NKAIN3: variants seen among roughly 807,000 people sequenced by gnomAD.
The protein encoded by NKAIN3 is sodium/potassium transporting ATPase interacting 3, also known as sodium/potassium-transporting ATPase subunit beta-1-interacting protein 3.
A neutral mutation model predicts 30.2 loss-of-function variants in NKAIN3; 25 were observed. The observed-to-expected ratio is 0.83, with a 90% CI of 0.60 to 1.16. The LOEUF is 1.16. Ranked by LOEUF, NKAIN3 falls within the 50% of genes most tolerant of loss-of-function variation. NKAIN3 has a pLI of 0.00. For synonymous variants in NKAIN3, 91 were observed against 89.6 expected, an observed-to-expected ratio of 1.02 and a Z score of -0.09; for missense variants, 225 against 254.1, an observed-to-expected ratio of 0.89 and a Z score of 0.78.
intron 5 of NKAIN3, among the ~76,000 whole-genome samples, chr8:62,940,929 A>T (rs1232426730): frequency 6.6e-6 from 1 of 150,380 alleles, no homozygotes; most frequent in African/African-American, 2.4e-5. Flanking sequence ...AGAACCAAAT[A>T]TATTGAAAAA....
intron 1 of NKAIN3, among the ~76,000 whole-genome samples, chr8:62,314,793 C>T (rs974178912): frequency 6.6e-6 from 1 of 152,236 alleles, no homozygotes; most frequent in African/African-American, 2.4e-5. Flanking sequence ...TACCTTGCAG[C>T]AGATTTTTAA....
chr8:62,796,346 T>C (rs2130683000), intron 4 of NKAIN3, among the ~76,000 whole-genome samples: 1 of 121,398 alleles, frequency 8.2e-6, no homozygotes, highest in African/African-American at 3.3e-5. Context: ...ATCACACCAC[T>C]GAGCTCCAGC....
intron 1 of NKAIN3, among the ~76,000 whole-genome samples, chr8:62,504,194 G>T (rs867881510): frequency 2.8e-4 from 43 of 152,104 alleles, no homozygotes; most frequent in South Asian, 6.2e-4. Context: ...TATTGAATCT[G>T]AGGTGGAACA....
At chr8:62,769,225 A>T (rs1816944122) in intron 4 of NKAIN3, among the ~76,000 whole-genome samples, 1 of 152,226 alleles carries the variant, frequency 6.6e-6, no homozygotes, top group African/African-American at 2.4e-5. Context: ...GTTAAATAAG[A>T]CAAGTTCAAA....
chr8:62,626,113 C>T (rs1461870114), intron 3 of NKAIN3, among the ~76,000 whole-genome samples: 1 of 152,040 alleles, frequency 6.6e-6, no homozygotes, highest in Non-Finnish European at 1.5e-5. Context: ...AATTTCTAAG[C>T]ACTCTCTCCT....
At chr8:62,573,581 A>G (rs1810014133) in intron 1 of NKAIN3, among the ~76,000 whole-genome samples, 1 of 151,556 alleles carries the variant, frequency 6.6e-6, no homozygotes, top group Non-Finnish European at 1.5e-5. Context: ...TTACTTTGTA[A>G]CTTTTTAATA....
intron 1 of NKAIN3, among the ~76,000 whole-genome samples, chr8:62,264,980 G>C (rs1428605543): frequency 1.3e-5 from 2 of 152,132 alleles, no homozygotes; most frequent in African/African-American, 4.8e-5. Context: ...TGAGAAAGGA[G>C]CCATGTGATA....
intron 1 of NKAIN3, among the ~76,000 whole-genome samples, chr8:62,360,850 A>G (rs1238810797): frequency 1.3e-5 from 2 of 152,104 alleles, no homozygotes; most frequent in Non-Finnish European, 2.9e-5. Context: ...CTCTTGTTGA[A>G]TTGAACCCTT....
At chr8:62,828,818 A>G (rs1188794075) in intron 4 of NKAIN3, among the ~76,000 whole-genome samples, 2 of 152,248 alleles carry the variant, frequency 1.3e-5, no homozygotes, top group South Asian at 2.1e-4. Context: ...AGATAATCTC[A>G]TGAAGAAAGA....
At chr8:62,655,080 A>C (rs1812726686) in intron 3 of NKAIN3, among the ~76,000 whole-genome samples, 1 of 152,206 alleles carries the variant, frequency 6.6e-6, no homozygotes, top group African/African-American at 2.4e-5. Context: ...GGTAGAGTTT[A>C]TAAGAGTCTG....
intron 3 of NKAIN3, among the ~76,000 whole-genome samples, chr8:62,690,054 CTT>C (rs1477195302): frequency 6.6e-6 from 1 of 152,168 alleles, no homozygotes; most frequent in Non-Finnish European, 1.5e-5. Context: ...TACTGAGTGT[CTT>C]TAAGTTCGGC....
At chr8:62,468,961 A>G (rs1806244617) in intron 1 of NKAIN3, among the ~76,000 whole-genome samples, 1 of 152,130 alleles carries the variant, frequency 6.6e-6, no homozygotes, top group African/African-American at 2.4e-5. Flanking sequence ...ATTCTTCCCA[A>G]TAATCAAATT....
intron 1 of NKAIN3, among the ~76,000 whole-genome samples, chr8:62,435,793 T>C (rs2129597872): frequency 6.6e-6 from 1 of 152,308 alleles, no homozygotes; most frequent in Non-Finnish European, 1.5e-5. Flanking sequence ...TTTAGTTTGT[T>C]CCCCAAGATG....
chr8:62,428,069 C>A (rs924699722), intron 1 of NKAIN3, among the ~76,000 whole-genome samples: 2 of 151,830 alleles, frequency 1.3e-5, no homozygotes, highest in Admixed American at 6.6e-5. Context: ...TTTTTAGCTT[C>A]TACGTGTGCA....
chr8:62,950,066 G>T (rs1823239403), intron 5 of NKAIN3, among the ~76,000 whole-genome samples: 1 of 152,122 alleles, frequency 6.6e-6, no homozygotes. Flanking sequence ...ATTTAAAAAT[G>T]CAGTTGCTTT....
chr8:62,539,541 A>ATCAAATAACACC (rs761711318), intron 1 of NKAIN3, among the ~76,000 whole-genome samples: 1 of 152,196 alleles, frequency 6.6e-6, no homozygotes, highest in Non-Finnish European at 1.5e-5. Flanking sequence ...ACACAAAGAC[A>ATCAAATAACACC]TCAAATAACA....
chr8:62,555,483 A>C (rs534792135), intron 1 of NKAIN3, among the ~76,000 whole-genome samples: 2 of 152,202 alleles, frequency 1.3e-5, no homozygotes, highest in African/African-American at 2.4e-5. Context: ...AAAAGAATGG[A>C]AGAAAAAAGA....
rs914857388 is a variant in NKAIN3, at chr8:62,522,596, G to A, written c.55-56943G>A. Among the ~76,000 whole-genome samples, 6 of 152,166 alleles carry A rather than the reference G, an allele frequency of 3.9e-5. No homozygotes were observed. The East Asian group carries it at 5.8e-4, about 15-fold the overall frequency. On this transcript the variant is annotated intron_variant, in intron 1 of 6. Transcript: ENST00000623646. ...CCCTGAAGACCTTCCAGTGGGACAG[G>A]ATGTGGAGATGGAAGACAGTGACAC... is the stretch of plus-strand genomic sequence containing the variant.
chr8:62,803,315 T>C (rs1818141253), intron 4 of NKAIN3, among the ~76,000 whole-genome samples: 1 of 152,100 alleles, frequency 6.6e-6, no homozygotes, highest in South Asian at 2.1e-4. Flanking sequence ...ATATACATTT[T>C]TTTCAGCACC....
Sources: allele counts gnomAD v4.1 joint callset (sites outside exome capture counted in the v4.1 genomes callset), GRCh38; gene constraint gnomAD v4.1.1; transcripts MANE v1.5; gene names NCBI Gene and HGNC (gene_info 2026-07-23, HGNC 2026-07-21).